GALE: variants seen among roughly 807,000 people sequenced by gnomAD.
GALE encodes UDP-galactose-4-epimerase.
Under a neutral mutation model 44.1 loss-of-function variants are expected in GALE, and 32 were observed. The ratio of observed to expected loss-of-function variants is 0.73; its 90% CI spans 0.55 to 0.97. The LOEUF is 0.97. GALE is among the 50% of genes least tolerant of loss of function. The pLI, the probability that GALE is intolerant of heterozygous loss-of-function variation, is 0.00. For synonymous variants in GALE, 182 were observed against 183.5 expected (o/e 0.99, Z 0.06); for missense variants, 423 against 455.6 (o/e 0.93, Z 0.65).
rs755401861 is a variant in GALE, at chr1:23,796,995, C to A, written c.642+39G>T. On this transcript the variant is annotated intron_variant, in intron 7 of 11. Coordinates refer to ENST00000617979, the MANE Select transcript of GALE (RefSeq NM_001008216.2). This position sits in a 1 kb window ranked among gnomAD's most constrained non-coding sequence, Gnocchi z 5.2. The stretch of plus-strand genomic sequence containing the variant: ...CCCAGATCCCAGGCACCAGCTTTAA[C>A]CCCAGGGCCACTCCTCTGTCCCTTC... The A allele has an allele frequency of 6.2e-7, 1 of 1,608,140 alleles. No individual in the cohort carries two copies.
Position 23,798,692 on chromosome 1 carries a change from C to A in GALE, c.160G>T (p.Glu54Ter). 6.2e-7 allele frequency: 1 copy of A among 1,610,948 alleles called. No individual in the cohort carries two copies. The highest frequency in any genetic ancestry group is 8.5e-7 in the Non-Finnish European group (1 of 1,178,586). The change falls in exon 4 of 12, where the codon GAG (glutamate) becomes TAG (stop). Residue 54 changes from glutamate to a stop codon, truncating the protein, a stop_gained. Coordinates refer to ENST00000617979, the MANE Select transcript of GALE (RefSeq NM_001008216.2). LOFTEE classifies it high-confidence loss of function. This position sits in a 1 kb window ranked among gnomAD's most constrained non-coding sequence, Gnocchi z 4.5. ...AACTCCACAGAGCGGCCTGTCAGCT[C>A]CTGGACCCGCCGCAGGCTCTCAGGC... ...SLPESLRRVQ[E>*]LTGRSVEFEE...
chr1:23,796,030 C>G lies in GALE; in HGVS notation c.989-23G>C. On this transcript the variant is annotated intron_variant, in intron 11 of 11. Transcript: ENST00000617979. The surrounding 1 kb of genome is among the most constrained non-coding windows in gnomAD (Gnocchi z 5.2). ...CACCTGCAACACGGCGAGGTGTGTG[C>G]TCAGGGCCCACGGTGGAATGCAGAG... The G allele has an allele frequency of 6.2e-7, 1 of 1,613,406 alleles. No individual in the cohort carries two copies.
At chr1:23,799,099 T>C in intron 2 of GALE, 87 bp from the exon 3 acceptor site, 2 of 1,584,000 alleles carry the variant, frequency 1.3e-6, no homozygotes. Flanking sequence ...CTAAGCTCGC[T>C]TTGGAAGGAG....
intron 1 of GALE, chr1:23,799,725 C>T (rs1639069037): frequency 6.5e-6 from 1 of 154,526 alleles, no homozygotes; most frequent in Non-Finnish European, 1.4e-5. Context: ...CTGGAGGGGG[C>T]CCCACCCCAA....
chr1:23,798,520 G>T lies in GALE; in HGVS notation c.237+95C>A. The T allele has an allele frequency of 3.4e-6, 3 of 889,634 alleles. No individual in the cohort carries two copies. Among genetic ancestry groups the T allele is most frequent in the South Asian group, 1.3e-5 (1 of 75,108 alleles). 55.1% of individuals were successfully genotyped at this position (889,634 alleles called of 1,614,324 possible). ...GGGGTTTCACTGTGTTGAGCAGGCT[G>T]GTCTTGAACACCTGGGCTCAAGTGA... is the stretch of plus-strand genomic sequence containing the variant. On this transcript the variant is annotated intron_variant, in intron 4 of 11. Transcript: ENST00000617979. The surrounding 1 kb of genome is among the most constrained non-coding windows in gnomAD (Gnocchi z 4.5).
rs565393341 is a variant in GALE, at chr1:23,798,262, A to G, written c.238-32T>C. On this transcript the variant is annotated intron_variant, in intron 4 of 11. Coordinates refer to ENST00000617979, the MANE Select transcript of GALE (RefSeq NM_001008216.2). This position sits in a 1 kb window ranked among gnomAD's most constrained non-coding sequence, Gnocchi z 4.5. ...GGGTGACATGGCCAGAGGTTGCTCT[A>G]CTGGTTTTAGTCCTTGGCAATGCCC... The G allele has an allele frequency of 3.9e-6, 6 of 1,540,740 alleles. 1 individual carries two copies. In the Admixed American group the frequency reaches 1.0e-4, roughly 26 times the overall value.
chr1:23,797,476 T>C (rs1192756662), intron 6 of GALE, among the ~76,000 whole-genome samples: 1 of 152,148 alleles, frequency 6.6e-6, no homozygotes, highest in Non-Finnish European at 1.5e-5. Flanking sequence ...CACCTGGGCC[T>C]CCCAAAGTGC....
chr1:23,797,288 G>A, intron 6 of GALE, 141 bp from the exon 7 acceptor site: 1 of 681,306 alleles, frequency 1.5e-6, no homozygotes, highest in South Asian at 1.7e-5. Context: ...GGCCTGATTT[G>A]GCTCACTTCA....
In GALE at chr1:23,795,823, C is replaced by T. The variant is rs543660047; in HGVS notation, c.*126G>A. On this transcript the variant is annotated 3_prime_UTR_variant, in exon 12 of 12. Coordinates refer to ENST00000617979, the MANE Select transcript of GALE (RefSeq NM_001008216.2). ...CCTCATGCCTGGTGGGCTAAGCGGG[C>T]CCAGCTGGGGTTTGAGGTAGGGGAG... is the stretch of plus-strand genomic sequence containing the variant. The T allele has an allele frequency of 4.3e-6, 4 of 937,134 alleles. No individual in the cohort carries two copies. The African/African-American group carries it at 4.9e-5, about 11-fold the overall frequency. 58.1% of individuals were successfully genotyped at this position (937,134 alleles called of 1,614,324 possible). A position where few individuals can be genotyped will look rare whatever the true frequency, so the allele number is the denominator to read the frequency against.
chr1:23,798,587 T>G lies in GALE; in HGVS notation c.237+28A>C. The G allele has an allele frequency of 2.2e-5, 33 of 1,516,516 alleles. No homozygotes were observed. The highest frequency in any genetic ancestry group is 1.7e-4 in the Middle Eastern group (1 of 5,876). 93.9% of individuals were successfully genotyped at this position (1,516,516 alleles called of 1,614,324 possible). A position where few individuals can be genotyped will look rare whatever the true frequency, so the allele number is the denominator to read the frequency against. On this transcript the variant is annotated intron_variant, in intron 4 of 11. Transcript: ENST00000617979. The surrounding 1 kb of genome is among the most constrained non-coding windows in gnomAD (Gnocchi z 4.5). Reference sequence around the variant, plus strand: ...TTCCAAAGTGCTGGAATTACAGGCGTGAGCCACCGTGCCCAGCCTGCACCC... The same window carrying G: ...TTCCAAAGTGCTGGAATTACAGGCGGGAGCCACCGTGCCCAGCCTGCACCC...
rs1803612 is a variant in GALE at position 23,795,771 on chromosome 1, C to T, written c.*178G>A. ...TGTGGAAGATAAGAGTTAGAGACCT[C>T]GGCCTCCTGGTCAGTGGAGCCCTTG... On this transcript the variant is annotated 3_prime_UTR_variant, in exon 12 of 12. Coordinates refer to ENST00000617979, the MANE Select transcript of GALE (RefSeq NM_001008216.2). 467 of 650,442 alleles carry T rather than the reference C, an allele frequency of 7.2e-4. 2 individuals are homozygous for T. The highest frequency in any genetic ancestry group is 3.8e-3 in the Middle Eastern group (9 of 2,396). The allele number at this position is 650,442 out of a possible 1,614,324, so 40.3% of individuals were successfully genotyped here.
At position 23,796,664 on chromosome 1, in the gene GALE, C is replaced by T. The variant is rs1557478531; in HGVS notation, c.795+33G>A. 1.9e-6 allele frequency: 3 copies of T among 1,613,758 alleles called. No individual in the cohort carries two copies. Among genetic ancestry groups the T allele is most frequent in the Middle Eastern group, 1.7e-4 (1 of 6,060 alleles). ...GGGCCGCTCTGCCTGGATCTGGTCC[C>T]TCCCCTCCCTCACTTCTCCCTTCTC... On this transcript the variant is annotated intron_variant, in intron 9 of 11. Transcript: ENST00000617979. This position sits in a 1 kb window ranked among gnomAD's most constrained non-coding sequence, Gnocchi z 5.2.
intron 6 of GALE, 128 bp from the exon 7 acceptor site, chr1:23,797,275 A>G (rs903705300): frequency 1.4e-4 from 101 of 718,982 alleles, no homozygotes; most frequent in Non-Finnish European, 2.3e-4. Context: ...GCTGGAGTGT[A>G]GTGGCCTGAT....
chr1:23,800,650 G>T (rs577108583), intron 1 of GALE, 62 bp downstream of exon 1: 1 of 152,206 alleles, frequency 6.6e-6, no homozygotes, highest in Admixed American at 6.5e-5. Context: ...AAACTCCCTC[G>T]CTCCCCGCGG....
In GALE at chr1:23,795,790, G is replaced by T. The variant is rs999504765; in HGVS notation, c.*159C>A. Reference sequence around the variant, plus strand: ...AGACCTCGGCCTCCTGGTCAGTGGAGCCCTTGGCCTCATGCCTGGTGGGCT... The same window carrying T: ...AGACCTCGGCCTCCTGGTCAGTGGATCCCTTGGCCTCATGCCTGGTGGGCT... On this transcript the variant is annotated 3_prime_UTR_variant, in exon 12 of 12. Transcript: ENST00000617979. The T allele has an allele frequency of 1.4e-6, 1 of 702,322 alleles. No individual in the cohort carries two copies. 43.5% of individuals were successfully genotyped at this position (702,322 alleles called of 1,614,324 possible).
At position 23,798,872 on chromosome 1, in the gene GALE, C is replaced by T. The variant is rs1639047757; in HGVS notation, c.121+15G>A. 3.7e-6 allele frequency: 6 copies of T among 1,614,072 alleles called. No individual in the cohort carries two copies. The highest frequency in any genetic ancestry group is 4.2e-6 in the Non-Finnish European group (5 of 1,180,040). ...CCATCCCCTCAAGTAGCCCCAGCCC[C>T]ACTGCCCCGCTCACCACGGAAGGCA... On this transcript the variant is annotated intron_variant, in intron 3 of 11. Coordinates refer to ENST00000617979, the MANE Select transcript of GALE (RefSeq NM_001008216.2). The surrounding 1 kb of genome is among the most constrained non-coding windows in gnomAD (Gnocchi z 4.5).
At chr1:23,799,049 C>T in intron 2 of GALE, 37 bp from the exon 3 acceptor site, 10 of 1,613,910 alleles carry the variant, frequency 6.2e-6, no homozygotes, top group Non-Finnish European at 8.5e-6. Context: ...GTGGCTGAGG[C>T]TGCCTGCTCA....
Position 23,798,001 on chromosome 1 carries a change from G to T in GALE, c.351+116C>A. 1 of 1,318,810 alleles carries T rather than the reference G, an allele frequency of 7.6e-7. No homozygotes were observed. The highest frequency in any genetic ancestry group is 1.1e-6 in the Non-Finnish European group (1 of 912,422). The allele number at this position is 1,318,810 out of a possible 1,614,324, so 81.7% of individuals were successfully genotyped here. A position where few individuals can be genotyped will look rare whatever the true frequency, so the allele number is the denominator to read the frequency against. On this transcript the variant is annotated intron_variant, in intron 5 of 11. Transcript: ENST00000617979. This position sits in a 1 kb window ranked among gnomAD's most constrained non-coding sequence, Gnocchi z 4.5. ...ACAGATGGGGAAACTGAGACTGGGA[G>T]GTAAAGACATGAGTCCAGGATGATA...
At chr1:23,797,910 C>T in intron 5 of GALE, 39 bp from the exon 6 acceptor site, 1 of 1,601,540 alleles carries the variant, frequency 6.2e-7, no homozygotes, top group Non-Finnish European at 8.6e-7. Context: ...CTCTGCCTCA[C>T]ACATTACTCC....
Sources: gnomAD v4.1 joint callset for allele counts (sites outside exome capture counted in the v4.1 genomes callset) on GRCh38, gnomAD v4.1.1 for gene constraint, Gnocchi (gnomAD v3.1) non-coding constraint, MANE v1.5 for transcripts, NCBI Gene and HGNC (gene_info 2026-07-23, HGNC 2026-07-21) for gene names.